The following UMAD1 variants were observed in gnomAD, a reference collection of about 807,000 sequenced individuals.
UMAD1 encodes the protein UBAP1-MVB12-associated (UMA) domain containing 1.
In UMAD1, 8 loss-of-function variants were observed where a neutral mutation model predicts 6.1. The observed-to-expected ratio is 1.30, with a 90% confidence interval of 0.76 to 2.35. The LOEUF (loss-of-function observed/expected upper bound fraction) is 2.35. UMAD1 is among the 30% of genes most tolerant of loss of function. The probability of loss-of-function intolerance (pLI) is 0.00; values close to 1 mark genes in which losing one functional copy is unlikely to be tolerated. For missense variants in UMAD1, 130 were observed against 78.4 expected (o/e 1.66, Z -2.49); for synonymous variants, 56 against 31.4 (o/e 1.78, Z -2.61).
At chr7:7,702,490 T>C (rs1279947139) in intron 2 of UMAD1, among the ~76,000 whole-genome samples, 1 of 152,206 alleles carries the variant, frequency 6.6e-6, no homozygotes, top group South Asian at 2.1e-4. Flanking sequence ...CCAATAGCTT[T>C]TATATAAAAT....
rs74399937 is a variant in UMAD1 at position 7,745,606 on chromosome 7, G to A, written c.83-56064G>A. ...AGTAAGCTTATAGTCTAGCGAACAGGTCAGGGAAAGCTGAGTTGTCAGGAA... is the reference window on the plus strand; with the variant it reads ...AGTAAGCTTATAGTCTAGCGAACAGATCAGGGAAAGCTGAGTTGTCAGGAA... On this transcript the variant is annotated intron_variant, in intron 2 of 3. Coordinates refer to ENST00000682710, the MANE Select transcript of UMAD1 (RefSeq NM_001302348.2). Among the ~76,000 whole-genome samples the A allele has an allele frequency of 7.4e-4, 113 of 152,304 alleles. 2 individuals are homozygous for A. The East Asian group carries it at 0.018, about 24-fold the overall frequency.
chr7:7,722,966 G>T (rs1781077102), intron 2 of UMAD1, among the ~76,000 whole-genome samples: 1 of 152,138 alleles, frequency 6.6e-6, no homozygotes, highest in Non-Finnish European at 1.5e-5. Flanking sequence ...CTCTCCAACC[G>T]ATGCTGCCAT....
intron 2 of UMAD1, among the ~76,000 whole-genome samples, chr7:7,760,256 T>G (rs1781858905): frequency 6.6e-6 from 1 of 152,054 alleles, no homozygotes. Flanking sequence ...TGACTACCAG[T>G]ACCCTAGAGC....
At chr7:7,705,908 AT>A (rs1583757585) in intron 2 of UMAD1, among the ~76,000 whole-genome samples, 1 of 152,206 alleles carries the variant, frequency 6.6e-6, no homozygotes, top group East Asian at 1.9e-4. Context: ...TTATATGGGA[AT>A]TCTCTGTACC....
intron 1 of UMAD1, among the ~76,000 whole-genome samples, chr7:7,643,227 C>A (rs1186273462): frequency 6.6e-6 from 1 of 152,150 alleles, no homozygotes; most frequent in Non-Finnish European, 1.5e-5. Flanking sequence ...GCTTCCTGGG[C>A]ATGCATATTA....
At chr7:7,728,605 G>A (rs901977381) in intron 2 of UMAD1, among the ~76,000 whole-genome samples, 1 of 150,502 alleles carries the variant, frequency 6.6e-6, no homozygotes, top group African/African-American at 2.4e-5. Context: ...GATCACACCA[G>A]TGCACTCCAG....
rs555965031 is a variant in UMAD1, at chr7:7,795,464, T to A, written c.83-6206T>A. ...GGAATCCTGATCTTGGGGAGGGTTC[T>A]TAGATCTCCTGCAAGAAAGAATTTG... On this transcript the variant is annotated intron_variant, in intron 2 of 3. Transcript: ENST00000682710. Among the ~76,000 whole-genome samples the A allele has an allele frequency of 5.3e-5, 8 of 152,354 alleles. No homozygotes were observed. In the South Asian group the frequency reaches 1.4e-3, roughly 28 times the overall value.
At chr7:7,665,644 A>G (rs4720750) in intron 1 of UMAD1, among the ~76,000 whole-genome samples, 119,090 of 152,118 alleles carry the variant, frequency 0.78, 46,544 homozygotes, top group East Asian at 0.81. Context: ...CATCACTTCC[A>G]AGAGTTTCCT....
chr7:7,674,281 CT>C (rs1266688154), intron 2 of UMAD1, among the ~76,000 whole-genome samples: 2 of 152,276 alleles, frequency 1.3e-5, no homozygotes, highest in East Asian at 3.9e-4. Flanking sequence ...GGTTTCCTAC[CT>C]CTTACTTCCT....
At chr7:7,706,708 C>G (rs534800380) in intron 2 of UMAD1, among the ~76,000 whole-genome samples, 1 of 152,224 alleles carries the variant, frequency 6.6e-6, no homozygotes, top group African/African-American at 2.4e-5. Context: ...AACAAAGTGT[C>G]GATGAGGTTG....
chr7:7,682,920 G>C (rs1202680360), intron 2 of UMAD1, among the ~76,000 whole-genome samples: 3 of 152,174 alleles, frequency 2.0e-5, no homozygotes, highest in African/African-American at 7.2e-5. Flanking sequence ...AGAATTAACA[G>C]TATTTTCAGT....
intron 2 of UMAD1, among the ~76,000 whole-genome samples, chr7:7,687,788 A>G (rs1007961020): frequency 6.6e-6 from 1 of 152,238 alleles, no homozygotes; most frequent in East Asian, 1.9e-4. Flanking sequence ...ATGATATTCA[A>G]GGTTTACACT....
rs1253272127 is a variant in UMAD1, at chr7:7,803,431, A to G, written c.156+1688A>G. 2.6e-5 allele frequency among the ~76,000 whole-genome samples: 4 copies of G among 152,212 alleles called. No homozygotes were observed. The East Asian group carries it at 7.7e-4, about 29-fold the overall frequency. On this transcript the variant is annotated intron_variant, in intron 3 of 3. Coordinates refer to ENST00000682710, the MANE Select transcript of UMAD1 (RefSeq NM_001302348.2). The stretch of plus-strand genomic sequence containing the variant: ...TCAAGGCTCCCAGCCTGGGCAGCAG[A>G]AACATTTAGTGAGTGCTGGCCATAA...
At chr7:7,646,205 C>T (rs1045560344) in intron 1 of UMAD1, among the ~76,000 whole-genome samples, 2 of 152,088 alleles carry the variant, frequency 1.3e-5, no homozygotes, top group African/African-American at 4.8e-5. Flanking sequence ...TGTCTAGCAT[C>T]GAGGAGGAAT....
At chr7:7,662,992 G>C (rs550457500) in intron 1 of UMAD1, among the ~76,000 whole-genome samples, 3 of 137,134 alleles carry the variant, frequency 2.2e-5, no homozygotes, top group African/African-American at 8.1e-5. Context: ...ATTTAAAGAA[G>C]TGTGTGAGTG....
chr7:7,794,094 C>T (rs6957398), intron 2 of UMAD1, among the ~76,000 whole-genome samples: 27,949 of 152,028 alleles, frequency 0.18, 3,001 homozygotes, highest in African/African-American at 0.29. Context: ...CCCCTTGGAA[C>T]CAGTGTTTCA....
At chr7:7,688,712 T>G (rs1780097608) in intron 2 of UMAD1, among the ~76,000 whole-genome samples, 1 of 152,216 alleles carries the variant, frequency 6.6e-6, no homozygotes, top group Non-Finnish European at 1.5e-5. Flanking sequence ...ACGCCTTTAT[T>G]TTTGTATGTC....
chr7:7,847,682 G>A (rs1218309047), intron 3 of UMAD1, among the ~76,000 whole-genome samples: 2 of 152,078 alleles, frequency 1.3e-5, no homozygotes, highest in African/African-American at 2.4e-5. Context: ...CACCAAGGCA[G>A]CATCATGACT....
chr7:7,684,051 A>C (rs1027663406), intron 2 of UMAD1, among the ~76,000 whole-genome samples: 1 of 152,218 alleles, frequency 6.6e-6, no homozygotes, highest in Non-Finnish European at 1.5e-5. Flanking sequence ...TAGTTTTTGC[A>C]TGTGACCTAC....
Sources: allele counts gnomAD v4.1 joint callset (sites outside exome capture counted in the v4.1 genomes callset), GRCh38; gene constraint gnomAD v4.1.1; transcripts MANE v1.5; gene names NCBI Gene and HGNC (gene_info 2026-07-23, HGNC 2026-07-21).